Variants in FBRS observed in about 807,000 individuals in gnomAD.
The protein encoded by FBRS is fibrosin.
Under a neutral mutation model 86.1 loss-of-function variants are expected in FBRS, and 15 were observed. That is an observed-to-expected ratio of 0.17 (90% CI 0.12 to 0.27). FBRS has a LOEUF of 0.27. FBRS is among the 10% of genes least tolerant of loss of function. The probability of loss-of-function intolerance (pLI) is 1.00; values close to 1 mark genes in which losing one functional copy is unlikely to be tolerated. For missense variants in FBRS, 1,367 were observed against 1,301.6 expected, an observed-to-expected ratio of 1.05 and a Z score of -0.77; for synonymous variants, 666 against 575.8, an observed-to-expected ratio of 1.16 and a Z score of -2.24.
In FBRS at chr16:30,664,425, C is replaced by CCACG; in HGVS notation, c.1266_1267insCACG (p.Leu423HisfsTer28). 7.1e-7 allele frequency: 1 copy of CCACG among 1,401,664 alleles called. No individual in the cohort carries two copies. Among genetic ancestry groups the CCACG allele is most frequent in the Non-Finnish European group, 9.5e-7 (1 of 1,054,486 alleles). The allele number at this position is 1,401,664 out of a possible 1,614,324, so 86.8% of individuals were successfully genotyped here. ...CCCCCCCACCACCCCACCACCCCTC[C>CCACG]TTGTTCTCCCCTGGCCCCACCCTGC... On this transcript the variant is annotated frameshift_variant, in exon 7 of 18. Coordinates refer to ENST00000356166, the MANE Select transcript of FBRS (RefSeq NM_001105079.3). LOFTEE classifies it high-confidence loss of function.
Position 30,669,163 on chromosome 16 carries a change from G to A in FBRS, c.2461G>A (p.Val821Met), listed in dbSNP as rs2052561407. The A allele has an allele frequency of 2.6e-6, 4 of 1,558,632 alleles. No homozygotes were observed. In the South Asian group the frequency reaches 4.7e-5, roughly 18 times the overall value. The part of the protein sequence containing the change: ...EEGPRPTKES[V>M]RVKEERKEEA... ...GGGGCCTCGGCCAACCAAGGAATCT[G>A]TGCGGGTAAAGGAAGAGCGGAAGGA... Residue 821 changes from valine to methionine, a missense_variant, in exon 18 of 18, where the codon GTG becomes ATG. Coordinates refer to ENST00000356166, the MANE Select transcript of FBRS (RefSeq NM_001105079.3). The surrounding 1 kb of genome is among the most constrained non-coding windows in gnomAD (Gnocchi z 5.9).
In FBRS at chr16:30,662,555, A is replaced by G; in HGVS notation, c.755-4A>G. ...CTGAGCATGTCTGCCATCCTGCCCC[A>G]CAGCCTCGGGCCCCCACGGCGCCTT... On this transcript the variant is annotated splice_region_variant and splice_polypyrimidine_tract_variant and intron_variant, in intron 5 of 17. Coordinates refer to ENST00000356166, the MANE Select transcript of FBRS (RefSeq NM_001105079.3). 2 of 1,545,788 alleles carry G rather than the reference A, an allele frequency of 1.3e-6. No individual in the cohort carries two copies. Among genetic ancestry groups the G allele is most frequent in the Non-Finnish European group, 1.7e-6 (2 of 1,143,454 alleles).
At position 30,665,123 on chromosome 16, in the gene FBRS, C is replaced by T. The variant is rs765187986; in HGVS notation, c.1608+44C>T. ...GTGCGTATGGGGTGTGTGGTGTGGG[C>T]GTGGATGCATCCATGCTTGTGACCC... On this transcript the variant is annotated intron_variant, in intron 9 of 17. Transcript: ENST00000356166. The surrounding 1 kb of genome is among the most constrained non-coding windows in gnomAD (Gnocchi z 4.1). The T allele has an allele frequency of 2.3e-5, 36 of 1,596,376 alleles. No individual in the cohort carries two copies. Among genetic ancestry groups the T allele is most frequent in the Middle Eastern group, 1.7e-4 (1 of 6,034 alleles).
At chr16:30,660,703 AAATT>A (rs1218582344) in intron 2 of FBRS, 1 of 543,342 alleles carries the variant, frequency 1.8e-6, no homozygotes, top group African/African-American at 1.9e-5. Context: ...GTTGGGTCGT[AAATT>A]AATTGTGGTT....
chr16:30,668,673 C>CT, intron 16 of FBRS, 30 bp downstream of exon 16: 2 of 1,582,156 alleles, frequency 1.3e-6, no homozygotes, highest in Non-Finnish European at 1.7e-6. Flanking sequence ...GGTGGGGGGG[C>CT]TGCGGCCACA....
In FBRS at chr16:30,659,412, C is replaced by T. The variant is rs1022848440; in HGVS notation, c.-107C>T. The T allele has an allele frequency of 7.0e-5, 14 of 201,042 alleles. No individual in the cohort carries two copies. Among genetic ancestry groups the T allele is most frequent in the Non-Finnish European group, 7.9e-5 (8 of 100,936 alleles). 12.5% of individuals were successfully genotyped at this position (201,042 alleles called of 1,614,324 possible). On this transcript the variant is annotated 5_prime_UTR_variant, in exon 1 of 18. Transcript: ENST00000356166. The stretch of plus-strand genomic sequence containing the variant: ...TCCGGCTTTAAAGGAGAAGCCGTGG[C>T]CCTCTCGTCACTGTGCAGCCGCCAG...
Position 30,662,406 on chromosome 16 carries a change from C to T in FBRS, c.706-14C>T. 2 of 1,550,368 alleles carry T rather than the reference C, an allele frequency of 1.3e-6. No individual in the cohort carries two copies. The highest frequency in any genetic ancestry group is 1.7e-6 in the Non-Finnish European group (2 of 1,147,004). On this transcript the variant is annotated splice_polypyrimidine_tract_variant and intron_variant, in intron 4 of 17. Coordinates refer to ENST00000356166, the MANE Select transcript of FBRS (RefSeq NM_001105079.3). ...ACCCACAACCTAACTCTATCCCTTG[C>T]CCTTCTTCCCCAGGTCTCCGATGAT...
At position 30,665,770 on chromosome 16, in the gene FBRS, C is replaced by A. The variant is rs755877062; in HGVS notation, c.1773+64C>A. 1.4e-6 allele frequency: 2 copies of A among 1,476,954 alleles called. No homozygotes were observed. Among genetic ancestry groups the A allele is most frequent in the African/African-American group, 1.4e-5 (1 of 71,634 alleles). The allele number at this position is 1,476,954 out of a possible 1,614,324, so 91.5% of individuals were successfully genotyped here. On this transcript the variant is annotated intron_variant, in intron 11 of 17. Coordinates refer to ENST00000356166, the MANE Select transcript of FBRS (RefSeq NM_001105079.3). This position sits in a 1 kb window ranked among gnomAD's most constrained non-coding sequence, Gnocchi z 4.1. ...TGTGTTGCGGGGAGAACAGAACTGACTTGAGGAGAGTGAACTGCTGATTCC... is the reference window on the plus strand; with the variant it reads ...TGTGTTGCGGGGAGAACAGAACTGAATTGAGGAGAGTGAACTGCTGATTCC...
chr16:30,669,218 CT>C lies in FBRS; in HGVS notation c.2517del (p.Ala840ProfsTer65). Reference sequence around the variant, plus strand: ...GCTGCCGCCGCCGCTGCCGCTGCTGCTGCCGCCGCCGCTGCCGCCGCCGCAG... The same window carrying C: ...GCTGCCGCCGCCGCTGCCGCTGCTGCGCCGCCGCCGCTGCCGCCGCCGCAG... ...EEAAAAAAAAAAAAAAAAAAA... is the reference protein window; with the variant it reads ...EEAAAAAAAAXAAAAAAAAAA... On this transcript the variant is annotated frameshift_variant, in exon 18 of 18. Coordinates refer to ENST00000356166, the MANE Select transcript of FBRS (RefSeq NM_001105079.3). LOFTEE classifies it high-confidence loss of function. This position sits in a 1 kb window ranked among gnomAD's most constrained non-coding sequence, Gnocchi z 5.9. 1.3e-6 allele frequency: 2 copies of C among 1,545,576 alleles called. No individual in the cohort carries two copies. The highest frequency in any genetic ancestry group is 1.7e-6 in the Non-Finnish European group (2 of 1,144,480).
Position 30,669,205 on chromosome 16 carries a change from G to T in FBRS, c.2503G>T (p.Ala835Ser), listed in dbSNP as rs764988908. Residue 835 changes from alanine (A) to serine (S), a missense_variant, in exon 18 of 18, where the codon GCT (alanine) becomes TCT (serine). Around this residue, in one of 3 missense-constraint regions of FBRS, gnomAD observed 659 missense variants for 678.8 expected, o/e 0.97. Transcript: ENST00000356166. This position sits in a 1 kb window ranked among gnomAD's most constrained non-coding sequence, Gnocchi z 5.9. Reference protein sequence around the residue: ...EERKEEAAAAAAAAAAAAAAA... With the variant: ...EERKEEAAAASAAAAAAAAAA... ...GCGGAAGGAGGAGGCTGCCGCCGCC[G>T]CTGCCGCTGCTGCTGCCGCCGCCGC... is the stretch of plus-strand genomic sequence containing the variant. 8.4e-6 allele frequency: 13 copies of T among 1,544,058 alleles called. No individual in the cohort carries two copies. The East Asian group carries it at 2.9e-4, about 35-fold the overall frequency.
Position 30,668,793 on chromosome 16 carries a change from A to G in FBRS, c.2180A>G (p.Gln727Arg), listed in dbSNP as rs758475880. ...PTFNSGAVFAQKESPGAPPAF... is the reference protein window; with the variant it reads ...PTFNSGAVFARKESPGAPPAF... ...CCAGACTCCGGCGCCGTCTTTGCCCAGAAAGAAAGCCCAGGGGCCCCACCA... is the reference window on the plus strand; with the variant it reads ...CCAGACTCCGGCGCCGTCTTTGCCCGGAAAGAAAGCCCAGGGGCCCCACCA... The change falls in exon 17 of 18, where the codon CAG (glutamine) becomes CGG (arginine). Residue 727 changes from glutamine to arginine, a missense_variant. Gln to Arg is a conservative substitution (Grantham distance 43, BLOSUM62 1). This residue lies in a region of FBRS where 659 missense variants were observed against 678.8 expected (regional missense o/e 0.97). Transcript: ENST00000356166. 1.2e-6 allele frequency: 2 copies of G among 1,600,296 alleles called. No individual in the cohort carries two copies. The highest frequency in any genetic ancestry group is 1.7e-6 in the Non-Finnish European group (2 of 1,178,652).
At chr16:30,661,426 T>A (rs1203124369) in intron 4 of FBRS, 93 bp downstream of exon 4, 1 of 1,546,436 alleles carries the variant, frequency 6.5e-7, no homozygotes, top group East Asian at 2.4e-5. Context: ...CAGCCTTCCC[T>A]TGAGTGAGAA....
rs1048647641 is a variant in FBRS at position 30,659,371 on chromosome 16, G to A, written c.-148G>A. ...TCCCCGGGCCGTGGCCTTGGGGCAA[G>A]CTCGGGGCCAGCAGATCCGGCTTTA... On this transcript the variant is annotated 5_prime_UTR_variant, in exon 1 of 18. Transcript: ENST00000356166. The A allele has an allele frequency of 2.2e-4, 43 of 198,594 alleles. No homozygotes were observed. Among genetic ancestry groups the A allele is most frequent in the Non-Finnish European group, 4.0e-4 (40 of 99,354 alleles). The allele number at this position is 198,594 out of a possible 1,614,324, so 12.3% of individuals were successfully genotyped here.
At position 30,659,868 on chromosome 16, in the gene FBRS, G is replaced by C; in HGVS notation, c.350G>C (p.Gly117Ala). The change falls in exon 1 of 18, where the codon GGC becomes GCC. Residue 117 changes from glycine to alanine, a missense_variant. Around this residue, in one of 3 missense-constraint regions of FBRS, gnomAD observed 702 missense variants for 598.7 expected, o/e 1.17. Coordinates refer to ENST00000356166, the MANE Select transcript of FBRS (RefSeq NM_001105079.3). ...GAGGAGGAGGAGGAGGAGGAGGGGG[G>C]CGCAGACGACGGCGAAGCCGAGGAG... ...EEEEEEEEEG[G>A]ADDGEAEEEP... The C allele has an allele frequency of 1.3e-6, 2 of 1,543,148 alleles. No homozygotes were observed. The highest frequency in any genetic ancestry group is 1.7e-6 in the Non-Finnish European group (2 of 1,146,296).
intron 6 of FBRS, among the ~76,000 whole-genome samples, chr16:30,663,983 G>C (rs577881504): frequency 7.9e-4 from 121 of 152,346 alleles, no homozygotes; most frequent in African/African-American, 2.8e-3. Context: ...AGAGATGGCA[G>C]AGGCAGCTGC....
At chr16:30,661,134 G>A (rs552145480) in intron 2 of FBRS, 46 bp from the exon 3 acceptor site, 1 of 1,549,738 alleles carries the variant, frequency 6.5e-7, no homozygotes, top group Admixed American at 2.0e-5. Flanking sequence ...TTTCCCAGCT[G>A]CCTCAGCAGC....
Position 30,662,851 on chromosome 16 carries a change from C to T in FBRS, c.1047C>T (p.Ser349=), listed in dbSNP as rs1296851159. The T allele has an allele frequency of 2.1e-6, 3 of 1,447,832 alleles. No homozygotes were observed. Among genetic ancestry groups the T allele is most frequent in the Non-Finnish European group, 2.7e-6 (3 of 1,096,384 alleles). 89.7% of individuals were successfully genotyped at this position (1,447,832 alleles called of 1,614,324 possible). A position where few individuals can be genotyped will look rare whatever the true frequency, so the allele number is the denominator to read the frequency against. The change falls in exon 6 of 18, where the codon AGC becomes AGT. Residue 349 remains serine (S), a synonymous_variant. Coordinates refer to ENST00000356166, the MANE Select transcript of FBRS (RefSeq NM_001105079.3). ...CATATGGCAGCAGCCTGGACCTCAG[C>T]ACTGGCAGGTGAGTGGTCTTGGGGG... ...TSPYGSSLDL[S]TGSSSRPPPK... is the part of the protein sequence containing the mutation.
At chr16:30,667,046 C>G (rs772988575) in intron 13 of FBRS, 56 bp downstream of exon 13, 1 of 1,525,392 alleles carries the variant, frequency 6.6e-7, no homozygotes, top group Non-Finnish European at 8.9e-7. Context: ...GAGGACTGAG[C>G]TCTGGGCATT....
In FBRS at chr16:30,669,630, T is replaced by G. The variant is rs2052573052; in HGVS notation, c.2928T>G (p.Ala976=). The change falls in exon 18 of 18, where the codon GCT becomes GCG. Residue 976 remains alanine, a synonymous_variant. Coordinates refer to ENST00000356166, the MANE Select transcript of FBRS (RefSeq NM_001105079.3). This position sits in a 1 kb window ranked among gnomAD's most constrained non-coding sequence, Gnocchi z 5.9. ...CCCCACCTAGGGGCCCTGGCCCAGC[T>G]CGGGCTGACAGGTGAGGGGAACGGG... ...PSSPPRGPGP[A]RADR 1 of 1,600,544 alleles carries G rather than the reference T, an allele frequency of 6.2e-7. No individual in the cohort carries two copies. Among genetic ancestry groups the G allele is most frequent in the Non-Finnish European group, 8.5e-7 (1 of 1,175,552 alleles).
Sources: gnomAD v4.1 joint callset for allele counts (sites outside exome capture counted in the v4.1 genomes callset) on GRCh38, gnomAD v4.1.1 for gene constraint, gnomAD v4.1.1 regional missense constraint, Gnocchi (gnomAD v3.1) non-coding constraint, MANE v1.5 for transcripts, NCBI Gene and HGNC (gene_info 2026-07-23, HGNC 2026-07-21) for gene names.